Variants in ANO1 observed in about 807,000 individuals in gnomAD.
The protein encoded by ANO1 is anoctamin-1.
In ANO1, 59 loss-of-function variants were observed where a neutral mutation model predicts 124.0. The observed-to-expected ratio is 0.48, with a 90% confidence interval of 0.39 to 0.59. ANO1 has a LOEUF of 0.59. Ranked by LOEUF, ANO1 falls within the 20% of genes least tolerant of loss-of-function variation. The probability of loss-of-function intolerance (pLI) is 0.00; values close to 1 mark genes in which losing one functional copy is unlikely to be tolerated. For synonymous variants in ANO1, 529 were observed against 532.0 expected (o/e 0.99, Z 0.08); for missense variants, 1,059 against 1,328.0 (o/e 0.80, Z 3.15).
At chr11:69,995,731 C>A (rs530644668) in intron 1 of ANO1, among the ~76,000 whole-genome samples, 1 of 152,148 alleles carries the variant, frequency 6.6e-6, no homozygotes, top group South Asian at 2.1e-4. Flanking sequence ...ATACTGTCAC[C>A]ATGACTTATC....
intron 1 of ANO1, among the ~76,000 whole-genome samples, chr11:70,058,860 G>C (rs1316911587): frequency 6.6e-6 from 1 of 152,074 alleles, no homozygotes; most frequent in Admixed American, 6.5e-5. Context: ...GAGCCTGAGA[G>C]ACGGCTTGGG....
intron 8 of ANO1, among the ~76,000 whole-genome samples, chr11:70,123,684 C>T (rs769974508): frequency 6.6e-6 from 1 of 152,186 alleles, no homozygotes; most frequent in Non-Finnish European, 1.5e-5. Context: ...CTGAGTGTGG[C>T]CCTGTAGCCC....
At chr11:70,101,585 C>CAAAAAAAAAAAAAAAAAAAAAAAA (rs71463659) in intron 2 of ANO1, among the ~76,000 whole-genome samples, 1 of 75,896 alleles carries the variant, frequency 1.3e-5, no homozygotes, top group Non-Finnish European at 2.4e-5. Context: ...GATTAAAAAC[C>CAAAAAAAAAAAAAAAAAAAAAAAA]AAAAAAAAAA....
At chr11:70,005,045 G>T (rs35446017) in intron 1 of ANO1, among the ~76,000 whole-genome samples, 2 of 150,894 alleles carry the variant, frequency 1.3e-5, no homozygotes, top group Admixed American at 6.6e-5. Flanking sequence ...CCTGGGAGGC[G>T]CAGGCTGCAG....
intron 6 of ANO1, chr11:70,111,046 G>A (rs939279912): frequency 3.7e-5 from 16 of 436,286 alleles, no homozygotes; most frequent in Admixed American, 3.4e-4. Flanking sequence ...AGAATCACTG[G>A]CCACTGACGC....
At chr11:70,145,979 C>T (rs910281599) in intron 11 of ANO1, among the ~76,000 whole-genome samples, 3 of 149,414 alleles carry the variant, frequency 2.0e-5, no homozygotes, top group Admixed American at 6.7e-5. Flanking sequence ...AGAAAGAATA[C>T]CAAGGTTCAA....
upstream of ANO1, among the ~76,000 whole-genome samples, chr11:69,981,977 G>A (rs1285122335): frequency 1.3e-5 from 2 of 152,220 alleles, no homozygotes; most frequent in East Asian, 1.9e-4. Flanking sequence ...TGTCCAGAAT[G>A]GATAAATCCA....
At chr11:70,095,401 A>G (rs1472600544) in intron 2 of ANO1, among the ~76,000 whole-genome samples, 2 of 44,646 alleles carry the variant, frequency 4.5e-5, no homozygotes, top group Non-Finnish European at 1.3e-4. Flanking sequence ...AAAGAAAGAA[A>G]GAAAGAAAGA....
At chr11:69,969,884 T>C in the ANO1 span, among the ~76,000 whole-genome samples, 1 of 151,670 alleles carries the variant, frequency 6.6e-6, no homozygotes, top group Non-Finnish European at 1.5e-5. Context: ...GGGGCAGAGG[T>C]TGCAGTGAGC....
At chr11:70,116,726 C>T in intron 8 of ANO1, 1 of 541,254 alleles carries the variant, frequency 1.8e-6, no homozygotes, top group Non-Finnish European at 3.3e-6. Flanking sequence ...CAAAAATGCC[C>T]TTGGCAGGTG....
chr11:69,992,952 C>G (rs1349591507), intron 1 of ANO1, among the ~76,000 whole-genome samples: 2 of 152,200 alleles, frequency 1.3e-5, no homozygotes, highest in Non-Finnish European at 2.9e-5. Flanking sequence ...ATCTATTTAG[C>G]CCTGGAAGGG....
chr11:70,042,063 A>C (rs1555005117), intron 1 of ANO1, among the ~76,000 whole-genome samples: 1 of 151,670 alleles, frequency 6.6e-6, no homozygotes, highest in Non-Finnish European at 1.5e-5. Context: ...ATCAGTGTGC[A>C]TGAGAAAGCA....
At chr11:70,014,334 G>A (rs952302056) in intron 1 of ANO1, among the ~76,000 whole-genome samples, 30 of 116,482 alleles carry the variant, frequency 2.6e-4, no homozygotes, top group Non-Finnish European at 3.2e-4. Flanking sequence ...CCCCTGAGCC[G>A]CTCCTTTGCC....
chr11:70,177,439 C>A (rs2048746020), intron 22 of ANO1, among the ~76,000 whole-genome samples: 1 of 152,170 alleles, frequency 6.6e-6, no homozygotes, highest in Admixed American at 6.5e-5. Context: ...GGTCGGAGGT[C>A]GCCGGGAGGC....
intron 12 of ANO1, among the ~76,000 whole-genome samples, chr11:70,150,819 CTAAAGA>C (rs1261725205): frequency 6.6e-6 from 1 of 151,762 alleles, no homozygotes; most frequent in Non-Finnish European, 1.5e-5. Context: ...ACATTTCTTT[CTAAAGA>C]TATTTTTCTT....
At chr11:70,046,891 C>A (rs530802662) in intron 1 of ANO1, among the ~76,000 whole-genome samples, 1 of 151,826 alleles carries the variant, frequency 6.6e-6, no homozygotes, top group East Asian at 1.9e-4. Flanking sequence ...CTGGCCAACA[C>A]GGTGAAACCC....
Position 70,188,220 on chromosome 11 carries a change from C to A in ANO1, c.*216C>A. The A allele has an allele frequency of 1.6e-6, 1 of 621,624 alleles. No individual in the cohort carries two copies. The highest frequency in any genetic ancestry group is 2.8e-6 in the Non-Finnish European group (1 of 362,144). 38.5% of individuals were successfully genotyped at this position (621,624 alleles called of 1,614,324 possible). A position where few individuals can be genotyped will look rare whatever the true frequency, so the allele number is the denominator to read the frequency against. ...CATTATGCAGGGAATATTTTTTAAT[C>A]TGTAGTATTCAAGATGAATCAAAAT... is the stretch of plus-strand genomic sequence containing the variant. On this transcript the variant is annotated 3_prime_UTR_variant, in exon 26 of 26. Transcript: ENST00000355303.
rs1193514773 is a variant in ANO1 at position 70,006,668 on chromosome 11, T to TC, written c.58+20502_58+20503insC. ...TCTTTCTTTCTTTCTTCTTTCTTTT[T>TC]TTTTTTTTTTTTTTTTTTTGAGATG... On this transcript the variant is annotated intron_variant, in intron 1 of 27. Transcript: ENST00000531349. 4.6e-3 allele frequency among the ~76,000 whole-genome samples: 424 copies of TC among 92,368 alleles called. 5 individuals are homozygous for TC. Among genetic ancestry groups the TC allele is most frequent in the African/African-American group, 0.018 (415 of 22,524 alleles). The allele number at this position is 92,368 out of a possible 152,430, so 60.6% of individuals were successfully genotyped here.
chr11:70,039,494 C>A (rs893375370), intron 1 of ANO1, among the ~76,000 whole-genome samples: 1 of 152,138 alleles, frequency 6.6e-6, no homozygotes, highest in African/African-American at 2.4e-5. Flanking sequence ...GAAATAGATG[C>A]AGGCAAAAAG....
Sources: allele counts gnomAD v4.1 joint callset (sites outside exome capture counted in the v4.1 genomes callset), GRCh38; gene constraint gnomAD v4.1.1; transcripts MANE v1.5; gene names NCBI Gene and HGNC (gene_info 2026-07-23, HGNC 2026-07-21).